Variants in PHF11 observed in about 807,000 individuals in gnomAD.
PHF11 encodes PHD finger protein 11.
A neutral mutation model predicts 40.5 loss-of-function variants in PHF11; 38 were observed. The observed-to-expected ratio is 0.94, with a 90% CI of 0.72 to 1.23. The LOEUF (loss-of-function observed/expected upper bound fraction) is 1.23. Ranked by LOEUF, PHF11 falls within the 50% of genes most tolerant of loss-of-function variation. The probability of loss-of-function intolerance (pLI) is 0.00; values close to 1 mark genes in which losing one functional copy is unlikely to be tolerated. For missense variants in PHF11, 369 were observed against 392.4 expected, an observed-to-expected ratio of 0.94 and a Z score of 0.50; for synonymous variants, 127 against 138.2, an observed-to-expected ratio of 0.92 and a Z score of 0.57.
At chr13:49,504,549 G>A (rs1158010715) in intron 1 of PHF11, among the ~76,000 whole-genome samples, 2 of 51,120 alleles carry the variant, frequency 3.9e-5, no homozygotes, top group Non-Finnish European at 6.1e-5. Context: ...TGGGAAGTGA[G>A]GAGCCCCTCT....
At chr13:49,527,940 G>GTGTTT (rs10624284) in intron 9 of PHF11, among the ~76,000 whole-genome samples, 71,914 of 151,564 alleles carry the variant, frequency 0.47, 17,444 homozygotes, top group Middle Eastern at 0.6. Context: ...GTATATGTGT[G>GTGTTT]TAACTGTTCG....
chr13:49,500,635 G>GT (rs1958887465), intron 1 of PHF11, among the ~76,000 whole-genome samples: 2 of 152,182 alleles, frequency 1.3e-5, no homozygotes, highest in Admixed American at 1.3e-4. Context: ...GATATGGGGG[G>GT]ATTTAGCAGG....
intron 1 of PHF11, chr13:49,496,472 G>A (rs1566182964): frequency 2.0e-6 from 2 of 1,011,772 alleles, no homozygotes; most frequent in Non-Finnish European, 2.4e-6. Flanking sequence ...GTGGAGGGGC[G>A]CCCTGATGCG....
chr13:49,515,798 G>A (rs1959145380), intron 3 of PHF11, among the ~76,000 whole-genome samples: 2 of 152,136 alleles, frequency 1.3e-5, no homozygotes, highest in Non-Finnish European at 2.9e-5. Flanking sequence ...CCAGCAGCCT[G>A]AGTGATCTTT....
chr13:49,519,095 A>G (rs903974545), intron 4 of PHF11, among the ~76,000 whole-genome samples: 3 of 152,124 alleles, frequency 2.0e-5, no homozygotes, highest in African/African-American at 7.2e-5. Flanking sequence ...TCGGCCTCCC[A>G]AAGTGCTGGG....
intron 3 of PHF11, among the ~76,000 whole-genome samples, chr13:49,516,598 G>C (rs1171726525): frequency 1.3e-5 from 2 of 151,002 alleles, no homozygotes; most frequent in East Asian, 1.9e-4. Flanking sequence ...GGTTCTGTCA[G>C]TTTTTGTTTT....
At chr13:49,512,200 A>T (rs566838924) in intron 2 of PHF11, among the ~76,000 whole-genome samples, 1 of 152,302 alleles carries the variant, frequency 6.6e-6, no homozygotes, top group South Asian at 2.1e-4. Context: ...TGAAGTGTCT[A>T]TTCAAATTTT....
chr13:49,526,937 C>T (rs2980), intron 9 of PHF11, among the ~76,000 whole-genome samples: 73,226 of 151,610 alleles, frequency 0.48, 18,139 homozygotes, highest in Middle Eastern at 0.59. Flanking sequence ...ACCATCCCTC[C>T]GCTTGCCTCC....
intron 1 of PHF11, among the ~76,000 whole-genome samples, chr13:49,496,830 CTTTTTTTTTTT>C (rs34505707): frequency 2.3e-5 from 2 of 88,022 alleles, no homozygotes; most frequent in Non-Finnish European, 4.1e-5. Context: ...TGGGCTTACC[CTTTTTTTTTTT>C]TTTTTTTTTT....
chr13:49,525,300 T>C (rs972135158), intron 8 of PHF11, among the ~76,000 whole-genome samples: 1 of 152,228 alleles, frequency 6.6e-6, no homozygotes, highest in African/African-American at 2.4e-5. Flanking sequence ...CAGGCTGAAG[T>C]GCAGTGGCAT....
chr13:49,507,935 T>C (rs1331530786), intron 2 of PHF11, among the ~76,000 whole-genome samples: 3 of 152,132 alleles, frequency 2.0e-5, no homozygotes, highest in Non-Finnish European at 4.4e-5. Context: ...TATGGCTTTA[T>C]TACTAGCCTT....
In PHF11 at chr13:49,526,410, CT is replaced by C; in HGVS notation, c.798del (p.Phe266LeufsTer11). The part of the protein sequence containing the change: ...ESDYEEIGSA[L>X]FDCRLFEDTF... ...AGACTATGAAGAAATCGGGAGTGCA[CT>C]TTTTGACTGTAGATTGTTCGAAGAC... On this transcript the variant is annotated frameshift_variant, in exon 9 of 10. Coordinates refer to ENST00000378319, the MANE Select transcript of PHF11 (RefSeq NM_001040443.3). LOFTEE classifies it low-confidence loss of function (END_TRUNC). 1 of 1,610,732 alleles carries C rather than the reference CT, an allele frequency of 6.2e-7. No individual in the cohort carries two copies. Among genetic ancestry groups the C allele is most frequent in the Non-Finnish European group, 8.5e-7 (1 of 1,177,084 alleles).
chr13:49,508,366 A>T (rs1230375418), intron 2 of PHF11, among the ~76,000 whole-genome samples: 1 of 147,344 alleles, frequency 6.8e-6, no homozygotes, highest in African/African-American at 2.5e-5. Flanking sequence ...ATTCATATAT[A>T]ATATATTACT....
intron 2 of PHF11, among the ~76,000 whole-genome samples, chr13:49,508,676 C>G (rs1198853274): frequency 2.0e-5 from 3 of 151,998 alleles, no homozygotes; most frequent in Non-Finnish European, 4.4e-5. Context: ...TAAAACTTCT[C>G]TAGATTTACC....
At chr13:49,506,331 G>A (rs1014469278) in intron 1 of PHF11, among the ~76,000 whole-genome samples, 2 of 152,016 alleles carry the variant, frequency 1.3e-5, no homozygotes, top group African/African-American at 4.8e-5. Context: ...CAAGGCTGCA[G>A]TGAGCCACTG....
chr13:49,514,380 C>T (rs1033156407), intron 3 of PHF11, among the ~76,000 whole-genome samples: 1 of 152,062 alleles, frequency 6.6e-6, no homozygotes, highest in Non-Finnish European at 1.5e-5. Flanking sequence ...GGCAACAGTC[C>T]AGATGGAATT....
intron 2 of PHF11, among the ~76,000 whole-genome samples, chr13:49,507,970 T>C (rs1293499274): frequency 1.3e-5 from 2 of 152,014 alleles, no homozygotes; most frequent in African/African-American, 4.8e-5. Context: ...CACTTTGAAT[T>C]TGTGGATCAG....
chr13:49,502,569 A>G (rs1260375913), intron 1 of PHF11, among the ~76,000 whole-genome samples: 1 of 152,236 alleles, frequency 6.6e-6, no homozygotes, highest in African/African-American at 2.4e-5. Flanking sequence ...TGGGCTAAGG[A>G]CATGAGTGCC....
At chr13:49,510,218 G>A (rs1398634180) in intron 2 of PHF11, among the ~76,000 whole-genome samples, 1 of 152,054 alleles carries the variant, frequency 6.6e-6, no homozygotes, top group Non-Finnish European at 1.5e-5. Flanking sequence ...TAGAGATGGG[G>A]TTTTGCCATG....
Sources: gnomAD v4.1 joint callset for allele counts (sites outside exome capture counted in the v4.1 genomes callset) on GRCh38, gnomAD v4.1.1 for gene constraint, MANE v1.5 for transcripts, NCBI Gene and HGNC (gene_info 2026-07-23, HGNC 2026-07-21) for gene names.